MPPED1: variants seen among roughly 807,000 people sequenced by gnomAD.
MPPED1 encodes the protein metallophosphoesterase domain-containing protein 1.
A neutral mutation model predicts 36.2 loss-of-function variants in MPPED1; 16 were observed. The ratio of observed to expected loss-of-function variants is 0.44; its 90% CI spans 0.30 to 0.67. MPPED1 has a LOEUF of 0.67. Among genes scored for constraint, MPPED1 ranks in the 30% least tolerant of loss-of-function variants. MPPED1 has a pLI of 0.10. For synonymous variants in MPPED1, 199 were observed against 191.3 expected (o/e 1.04, Z -0.33); for missense variants, 307 against 453.4 (o/e 0.68, Z 2.93).
intron 3 of MPPED1, among the ~76,000 whole-genome samples, chr22:43,464,315 G>GTGTGTGTT (rs1931085620): frequency 6.6e-6 from 1 of 151,784 alleles, no homozygotes; most frequent in Non-Finnish European, 1.5e-5. Flanking sequence ...GTGTGTGTGT[G>GTGTGTGTT]TGTGTGTGTG....
intron 4 of MPPED1, among the ~76,000 whole-genome samples, chr22:43,494,110 T>C (rs189287937): frequency 6.6e-6 from 1 of 152,140 alleles, no homozygotes; most frequent in Non-Finnish European, 1.5e-5. Flanking sequence ...CTCAGTTCAC[T>C]GCAGCCTTGA....
chr22:43,469,239 A>C (rs1255071379), intron 3 of MPPED1, among the ~76,000 whole-genome samples: 1 of 152,226 alleles, frequency 6.6e-6, no homozygotes, highest in South Asian at 2.1e-4. Context: ...GAATAGCAGC[A>C]GGAAAGGGCA....
chr22:43,430,645 T>C lies in MPPED1; in HGVS notation c.225-4389T>C, dbSNP rs1022352106. Reference sequence around the variant, plus strand: ...CAGTAGGCAGAAGCTTTGGGGAAGTTGAGTTTGGCTCCAAGAAATAAGAAG... The same window carrying C: ...CAGTAGGCAGAAGCTTTGGGGAAGTCGAGTTTGGCTCCAAGAAATAAGAAG... On this transcript the variant is annotated intron_variant, in intron 2 of 6. Transcript: ENST00000443721. 3.9e-5 allele frequency among the ~76,000 whole-genome samples: 6 copies of C among 152,148 alleles called. 1 individual carries two copies. The highest frequency in any genetic ancestry group is 1.4e-4 in the African/African-American group (6 of 41,428).
chr22:43,470,106 T>TCATC (rs201279311), intron 3 of MPPED1, among the ~76,000 whole-genome samples: 1,954 of 150,118 alleles, frequency 0.013, 43 homozygotes, highest in African/African-American at 0.045. Context: ...CATCCATAAA[T>TCATC]CATCCATCCA....
At chr22:43,503,815 C>G (rs1190073075) in intron 6 of MPPED1, among the ~76,000 whole-genome samples, 2 of 152,244 alleles carry the variant, frequency 1.3e-5, no homozygotes, top group South Asian at 4.2e-4. Context: ...TGCCTTTGAC[C>G]CAAACCACAC....
Position 43,469,452 on chromosome 22 carries a change from G to A in MPPED1, c.407-5284G>A, listed in dbSNP as rs116991812. 2.6e-4 allele frequency among the ~76,000 whole-genome samples: 39 copies of A among 152,386 alleles called. No individual in the cohort carries two copies. In the East Asian group the frequency reaches 4.2e-3, roughly 17 times the overall value. On this transcript the variant is annotated intron_variant, in intron 3 of 6. Coordinates refer to ENST00000443721, the MANE Select transcript of MPPED1 (RefSeq NM_001044370.2). Reference sequence around the variant, plus strand: ...CTCTAATGATTGGTCACTGGGAATCGTATCTATGTTCGGGTTGGTAAGAAC... The same window carrying A: ...CTCTAATGATTGGTCACTGGGAATCATATCTATGTTCGGGTTGGTAAGAAC...
intron 3 of MPPED1, 143 bp downstream of exon 3, chr22:43,435,358 A>C: frequency 1.2e-6 from 1 of 836,350 alleles, no homozygotes; most frequent in Non-Finnish European, 1.8e-6. Context: ...ACCCTCCCTG[A>C]CCTCTCAGAG....
intron 3 of MPPED1, among the ~76,000 whole-genome samples, chr22:43,457,625 A>G (rs1016287798): frequency 2.0e-5 from 3 of 152,010 alleles, no homozygotes; most frequent in Non-Finnish European, 4.4e-5. Context: ...TGTTAAATAG[A>G]TATTTTCTAG....
chr22:43,485,756 A>G (rs1172756954), intron 4 of MPPED1, among the ~76,000 whole-genome samples: 1 of 152,216 alleles, frequency 6.6e-6, no homozygotes. Flanking sequence ...GAAACAAAAG[A>G]TGGATGATTC....
intron 3 of MPPED1, among the ~76,000 whole-genome samples, chr22:43,469,144 T>G (rs1307006006): frequency 2.6e-5 from 4 of 152,124 alleles, no homozygotes; most frequent in Non-Finnish European, 4.4e-5. Context: ...GGGGTTCAGG[T>G]ACTTCCTGTG....
At chr22:43,414,688 C>T (rs1018969973) in intron 1 of MPPED1, among the ~76,000 whole-genome samples, 3 of 152,184 alleles carry the variant, frequency 2.0e-5, no homozygotes, top group Non-Finnish European at 4.4e-5. Flanking sequence ...GATTGTCTGT[C>T]AAAGTCTTTA....
intron 2 of MPPED1, among the ~76,000 whole-genome samples, chr22:43,429,761 G>A (rs1157669880): frequency 1.3e-5 from 2 of 152,218 alleles, no homozygotes; most frequent in African/African-American, 4.8e-5. Context: ...CGGGACAGGC[G>A]GCAAGACTCA....
intron 1 of MPPED1, among the ~76,000 whole-genome samples, chr22:43,421,259 C>T (rs1929264556): frequency 6.6e-6 from 1 of 152,258 alleles, no homozygotes; most frequent in South Asian, 2.1e-4. Flanking sequence ...TAACGTGCTG[C>T]TGCGGCTCCA....
chr22:43,470,401 T>C (rs1322899431), intron 3 of MPPED1, among the ~76,000 whole-genome samples: 1 of 151,632 alleles, frequency 6.6e-6, no homozygotes, highest in African/African-American at 2.4e-5. Context: ...CTCATCCATC[T>C]GTCTATCTGT....
At chr22:43,475,064 C>A in intron 4 of MPPED1, 103 bp downstream of exon 4, 1 of 1,027,692 alleles carries the variant, frequency 9.7e-7, no homozygotes, top group South Asian at 1.5e-5. Flanking sequence ...GCTCCGGATG[C>A]GAGGCTCAGG....
At chr22:43,469,700 C>A (rs1931300940) in intron 3 of MPPED1, among the ~76,000 whole-genome samples, 1 of 151,864 alleles carries the variant, frequency 6.6e-6, no homozygotes, top group African/African-American at 2.4e-5. Context: ...GAGGGTGAGT[C>A]AAAAAAATGC....
At chr22:43,420,169 T>A (rs1055424677) in intron 1 of MPPED1, among the ~76,000 whole-genome samples, 3 of 152,110 alleles carry the variant, frequency 2.0e-5, no homozygotes, top group Admixed American at 1.3e-4. Flanking sequence ...TTTCCCAGTG[T>A]CCTACCGCTC....
chr22:43,505,563 C>T lies in MPPED1; in HGVS notation c.928C>T (p.Gln310Ter). The T allele has an allele frequency of 6.2e-7, 1 of 1,612,982 alleles. No individual in the cohort carries two copies. Among genetic ancestry groups the T allele is most frequent in the Non-Finnish European group, 8.5e-7 (1 of 1,179,548 alleles). ...TGCGTCCGTATGCACTGTGAACTACCAGCCCGTGAACCCGCCCATAGTCAT... is the reference window on the plus strand; with the variant it reads ...TGCGTCCGTATGCACTGTGAACTACTAGCCCGTGAACCCGCCCATAGTCAT... The part of the protein sequence containing the change: ...VNASVCTVNY[Q>*]PVNPPIVIDL... The change falls in exon 7 of 7, where the codon CAG becomes TAG. Residue 310 changes from glutamine to a stop codon, truncating the protein, a stop_gained. Transcript: ENST00000443721. LOFTEE classifies it high-confidence loss of function.
At chr22:43,458,817 G>A (rs944248399) in intron 3 of MPPED1, among the ~76,000 whole-genome samples, 4 of 152,146 alleles carry the variant, frequency 2.6e-5, no homozygotes, top group African/African-American at 9.7e-5. Flanking sequence ...ATTGCTGGTC[G>A]ACAGTCCTTC....
Sources: allele counts gnomAD v4.1 joint callset (sites outside exome capture counted in the v4.1 genomes callset), GRCh38; gene constraint gnomAD v4.1.1; transcripts MANE v1.5; gene names NCBI Gene and HGNC (gene_info 2026-07-23, HGNC 2026-07-21).